The following DIAPH2 variants were observed in gnomAD, a reference collection of about 807,000 sequenced individuals.
DIAPH2 encodes protein diaphanous homolog 2.
A neutral mutation model predicts 92.7 loss-of-function variants in DIAPH2; 35 were observed. That is an observed-to-expected ratio of 0.38 (90% CI 0.29 to 0.50). The LOEUF is 0.50. DIAPH2 is among the 20% of genes least tolerant of loss of function. The probability of loss-of-function intolerance (pLI) is 0.94; values close to 1 mark genes in which losing one functional copy is unlikely to be tolerated. For synonymous variants in DIAPH2, 301 were observed against 280.4 expected (o/e 1.07, Z -0.73); for missense variants, 701 against 819.5 (o/e 0.86, Z 1.77).
At chrX:97,291,874 C>T (rs1861479296) in intron 23 of DIAPH2, among the ~76,000 whole-genome samples, 1 of 111,001 alleles carries the variant, frequency 9.0e-6, no homozygotes, top group African/African-American at 3.3e-5. Flanking sequence ...TCATTTGATC[C>T]TTCAACTATC....
intron 5 of DIAPH2, among the ~76,000 whole-genome samples, chrX:96,897,482 TAA>T (rs765215588): frequency 7.2e-5 from 8 of 110,910 alleles, no homozygotes; most frequent in Non-Finnish European, 1.3e-4. Context: ...CAAAGTTGCA[TAA>T]GTCTTACAAA....
chrX:97,417,399 T>C (rs867319012), intron 25 of DIAPH2, among the ~76,000 whole-genome samples: 94 of 101,112 alleles, frequency 9.3e-4, no homozygotes, highest in Non-Finnish European at 1.6e-3. Context: ...CACACACACA[T>C]ACACACACAC....
chrX:97,476,970 T>A lies in DIAPH2; in HGVS notation c.3241+47225T>A, dbSNP rs867890600. Among the ~76,000 whole-genome samples the A allele has an allele frequency of 2.2e-3, 125 of 55,971 alleles. 1 individual carries two copies. Among genetic ancestry groups the A allele is most frequent in the African/African-American group, 0.011 (110 of 9,867 alleles). 48.6% of individuals were successfully genotyped at this position (55,971 alleles called of 115,157 possible). A position where few individuals can be genotyped will look rare whatever the true frequency, so the allele number is the denominator to read the frequency against. ...AAAAAAAAAAAAAAAAAAAAAAAAA[T>A]ATATATATATATATACACACACACA... On this transcript the variant is annotated intron_variant, in intron 26 of 26. Transcript: ENST00000324765.
At chrX:96,964,378 T>C (rs1018438903) in intron 16 of DIAPH2, among the ~76,000 whole-genome samples, 1 of 112,009 alleles carries the variant, frequency 8.9e-6, no homozygotes, top group Non-Finnish European at 1.9e-5. Flanking sequence ...TGTAGTCGTA[T>C]GCTTCCTAAT....
rs11371392 is a variant in DIAPH2 at position 96,903,133 on chromosome X, G to GAA, written c.588-9182_588-9181dup. ...CAACTCTCCTTACCCCTGTTACTGT[G>GAA]AAAAAAAAAAAAAATTCACCAATTT... On this transcript the variant is annotated intron_variant, in intron 5 of 26. Coordinates refer to ENST00000324765, the MANE Select transcript of DIAPH2 (RefSeq NM_006729.5). Among the ~76,000 whole-genome samples the GAA allele has an allele frequency of 6.0e-3, 592 of 98,926 alleles. 2 individuals carry two copies. The highest frequency in any genetic ancestry group is 0.016 in the South Asian group (32 of 2,033). 85.9% of individuals were successfully genotyped at this position (98,926 alleles called of 115,157 possible).
chrX:97,073,192 C>T, intron 18 of DIAPH2, 150 bp downstream of exon 18: 1 of 427,589 alleles, frequency 2.3e-6, no homozygotes, highest in South Asian at 4.6e-5. Flanking sequence ...GATTTGGTTG[C>T]CTTTTTGTCA....
chrX:97,417,178 G>C (rs565548555), intron 25 of DIAPH2, among the ~76,000 whole-genome samples: 2 of 111,868 alleles, frequency 1.8e-5, no homozygotes, highest in African/African-American at 6.5e-5. Context: ...ACTGAGGTGA[G>C]ACTTCTCAAT....
At chrX:96,714,428 C>G in intron 1 of DIAPH2, among the ~76,000 whole-genome samples, 1 of 110,403 alleles carries the variant, frequency 9.1e-6, no homozygotes, top group East Asian at 2.8e-4. Context: ...CCACACCCGG[C>G]TAATTTTGTA....
chrX:97,282,627 GA>G (rs775190898), intron 23 of DIAPH2, among the ~76,000 whole-genome samples: 6 of 111,823 alleles, frequency 5.4e-5, no homozygotes, highest in African/African-American at 1.9e-4. Context: ...ATTTTTTAAA[GA>G]ATGTATCCAA....
intron 25 of DIAPH2, among the ~76,000 whole-genome samples, chrX:97,415,494 A>G (rs2069933877): frequency 8.9e-6 from 1 of 112,018 alleles, no homozygotes. Flanking sequence ...AAAATGTGGC[A>G]CATATTCACC....
At chrX:97,247,668 G>T in intron 22 of DIAPH2, 47 bp from the exon 23 acceptor site, 1 of 1,115,079 alleles carries the variant, frequency 9.0e-7, no homozygotes, top group Non-Finnish European at 1.2e-6. Context: ...GATGTTTTGT[G>T]GAACACTTGG....
At chrX:96,693,903 G>C (rs1661958101) in intron 1 of DIAPH2, among the ~76,000 whole-genome samples, 1 of 111,508 alleles carries the variant, frequency 9.0e-6, no homozygotes, top group African/African-American at 3.3e-5. Flanking sequence ...TGCATGATGG[G>C]AGACGCCTGT....
rs768430178 is a variant in DIAPH2, at chrX:96,942,117, C to T, written c.1425C>T (p.Ile475=). The T allele has an allele frequency of 1.1e-4, 126 of 1,133,538 alleles. No homozygotes were observed. Among genetic ancestry groups the T allele is most frequent in the Middle Eastern group, 2.4e-4 (1 of 4,158 alleles). 93.4% of individuals were successfully genotyped at this position (1,133,538 alleles called of 1,213,427 possible). A position where few individuals can be genotyped will look rare whatever the true frequency, so the allele number is the denominator to read the frequency against. ...PDFKYRQRLD[I]DLTHLIDSCV... ...TCAAATACAGGCAAAGATTAGACATCGATTTAACTCATCTGATAGGTATGT... is the reference window on the plus strand; with the variant it reads ...TCAAATACAGGCAAAGATTAGACATTGATTTAACTCATCTGATAGGTATGT... Residue 475 remains isoleucine, a synonymous_variant, in exon 13 of 27, where the codon ATC becomes ATT. Transcript: ENST00000324765.
At chrX:96,937,506 T>G (rs2065665197) in intron 11 of DIAPH2, among the ~76,000 whole-genome samples, 155 bp downstream of exon 11, 1 of 111,871 alleles carries the variant, frequency 8.9e-6, no homozygotes, top group Non-Finnish European at 1.9e-5. Flanking sequence ...TCCTTGAGAT[T>G]CATGTTGAGG....
At chrX:97,475,719 C>T (rs1271481963) in intron 26 of DIAPH2, among the ~76,000 whole-genome samples, 1 of 111,672 alleles carries the variant, frequency 9.0e-6, no homozygotes, top group Non-Finnish European at 1.9e-5. Flanking sequence ...AGGTATTTGC[C>T]AAGAAAATAG....
intron 4 of DIAPH2, among the ~76,000 whole-genome samples, chrX:96,796,644 TCTTAA>T (rs2064542024): frequency 8.9e-6 from 1 of 111,930 alleles, no homozygotes; most frequent in Non-Finnish European, 1.9e-5. Flanking sequence ...ATATTATGCA[TCTTAA>T]CTTATGACAG....
At chrX:96,973,447 G>A (rs991000780) in intron 17 of DIAPH2, among the ~76,000 whole-genome samples, 8 of 111,630 alleles carry the variant, frequency 7.2e-5, no homozygotes, top group Non-Finnish European at 1.3e-4. Flanking sequence ...GCAGTGAGCC[G>A]TGATCGTGCT....
intron 24 of DIAPH2, among the ~76,000 whole-genome samples, chrX:97,350,113 C>T (rs1359309883): frequency 1.8e-5 from 2 of 109,543 alleles, no homozygotes; most frequent in African/African-American, 6.6e-5. Flanking sequence ...AGTTTGAGAC[C>T]AGCCTGGCCA....
chrX:97,207,712 T>C (rs1209716773), intron 22 of DIAPH2, among the ~76,000 whole-genome samples: 1 of 111,446 alleles, frequency 9.0e-6, no homozygotes, highest in Non-Finnish European at 1.9e-5. Flanking sequence ...TAATAAACCT[T>C]ATGGAGCTTC....
Sources: gnomAD v4.1 joint callset for allele counts (sites outside exome capture counted in the v4.1 genomes callset) on GRCh38, gnomAD v4.1.1 for gene constraint, MANE v1.5 for transcripts, NCBI Gene and HGNC (gene_info 2026-07-23, HGNC 2026-07-21) for gene names.